Variants in FYB2 observed in about 807,000 individuals in gnomAD.
The protein encoded by FYB2 is FYN-binding protein 2.
Under a neutral mutation model 94.1 loss-of-function variants are expected in FYB2, and 103 were observed. The observed-to-expected ratio is 1.09, with a 90% confidence interval of 0.93 to 1.29. The LOEUF is 1.29. Among genes scored for constraint, FYB2 ranks in the 50% most tolerant of loss-of-function variants. FYB2 has a pLI of 0.00. For missense variants in FYB2, 896 were observed against 841.5 expected, an observed-to-expected ratio of 1.06 and a Z score of -0.80; for synonymous variants, 293 against 287.9, an observed-to-expected ratio of 1.02 and a Z score of -0.18.
At chr1:56,740,631 G>T in intron 13 of FYB2, 66 bp downstream of exon 13, 1 of 934,542 alleles carries the variant, frequency 1.1e-6, no homozygotes, top group Non-Finnish European at 1.6e-6. Context: ...ATTGGATGGA[G>T]AACATCAACT....
intron 4 of FYB2, among the ~76,000 whole-genome samples, chr1:56,778,615 G>A (rs2064423): frequency 0.29 from 44,137 of 151,932 alleles, 7,536 homozygotes; most frequent in Non-Finnish European, 0.38. Flanking sequence ...TAAACTCAGG[G>A]TTCTCATGGT....
At chr1:56,793,022 A>G (rs564648964) in intron 1 of FYB2, among the ~76,000 whole-genome samples, 4 of 152,262 alleles carry the variant, frequency 2.6e-5, no homozygotes, top group African/African-American at 9.6e-5. Context: ...TGAAAACACT[A>G]TCTCTTTCTT....
chr1:56,751,273 C>T, intron 8 of FYB2, 70 bp from the exon 9 acceptor site: 1 of 1,434,186 alleles, frequency 7.0e-7, no homozygotes, highest in Non-Finnish European at 9.5e-7. Context: ...CTTACTTGTA[C>T]AGTTTTTCAT....
intron 4 of FYB2, among the ~76,000 whole-genome samples, chr1:56,775,473 A>C (rs1645854611): frequency 1.3e-5 from 2 of 152,192 alleles, no homozygotes; most frequent in African/African-American, 4.8e-5. Flanking sequence ...GTAAATCATA[A>C]TAACAGCTGA....
chr1:56,726,854 C>G (rs749092483), intron 15 of FYB2, among the ~76,000 whole-genome samples: 74 of 151,954 alleles, frequency 4.9e-4, no homozygotes, highest in Non-Finnish European at 8.1e-4. Context: ...GTTTGCTGAC[C>G]CCTGATGTGT....
rs1378350991 is a variant in FYB2 at position 56,719,558 on chromosome 1, A to G, written c.*113T>C. The G allele has an allele frequency of 4.4e-6, 4 of 901,472 alleles. No homozygotes were observed. Among genetic ancestry groups the G allele is most frequent in the East Asian group, 2.7e-5 (1 of 37,244 alleles). 55.8% of individuals were successfully genotyped at this position (901,472 alleles called of 1,614,324 possible). A position where few individuals can be genotyped will look rare whatever the true frequency, so the allele number is the denominator to read the frequency against. On this transcript the variant is annotated 3_prime_UTR_variant, in exon 20 of 20. Transcript: ENST00000343433. ...TTAAGTTCAGAACGAAAGTTTCCAC[A>G]GATTCCACCATCTCAAAATTTTGAC...
chr1:56,741,738 G>T (rs857122), intron 12 of FYB2, among the ~76,000 whole-genome samples: 47 of 151,936 alleles, frequency 3.1e-4, no homozygotes, highest in Non-Finnish European at 4.6e-4. Flanking sequence ...CCCAAATCCC[G>T]GAGATAGCCT....
rs114081380 is a variant in FYB2, at chr1:56,805,530, T to C, written c.10-12727A>G. On this transcript the variant is annotated intron_variant, in intron 1 of 19. Transcript: ENST00000343433. The stretch of plus-strand genomic sequence containing the variant: ...CCCCTGAAGATGACAAAAGTCAGGA[T>C]CAGAGCTTTCTGAAGCTTACCAGGA... Among the ~76,000 whole-genome samples the C allele has an allele frequency of 3.6e-3, 552 of 152,274 alleles. 2 individuals carry two copies. The highest frequency in any genetic ancestry group is 0.012 in the African/African-American group (505 of 41,548).
chr1:56,820,527 G>T (rs1557682087), upstream of FYB2, among the ~76,000 whole-genome samples: 1 of 152,206 alleles, frequency 6.6e-6, no homozygotes, highest in Admixed American at 6.5e-5. Context: ...GCTTTGTCAA[G>T]TTCTTAGAAA....
chr1:56,794,490 T>C (rs989030531), intron 1 of FYB2, among the ~76,000 whole-genome samples: 3 of 152,202 alleles, frequency 2.0e-5, no homozygotes, highest in Non-Finnish European at 4.4e-5. Flanking sequence ...ACTTTTGATT[T>C]TGCCAGCTTA....
chr1:56,762,587 A>G (rs1233300551), intron 5 of FYB2, among the ~76,000 whole-genome samples: 1 of 152,182 alleles, frequency 6.6e-6, no homozygotes, highest in Non-Finnish European at 1.5e-5. Context: ...GTATCCTACA[A>G]TCTTTCTGAA....
At chr1:56,804,701 A>G (rs976349169) in intron 1 of FYB2, among the ~76,000 whole-genome samples, 1 of 152,106 alleles carries the variant, frequency 6.6e-6, no homozygotes, top group Non-Finnish European at 1.5e-5. Flanking sequence ...CTACACTTCA[A>G]CCTGAGTGAC....
rs1646293832 is a variant in FYB2, at chr1:56,792,484, T to C, written c.329A>G (p.Lys110Arg). Residue 110 changes from lysine to arginine, a missense_variant, in exon 2 of 20, where the codon AAG (lysine) becomes AGG (arginine). Physicochemically the swap from Lys to Arg is conservative, Grantham distance 26. Transcript: ENST00000343433. Reference sequence around the variant, plus strand: ...AGTCACCTCTAACAGCAGAGAAGCCTTCTGTGAACTTGTTGCAGAACATAC... The same window carrying C: ...AGTCACCTCTAACAGCAGAGAAGCCCTCTGTGAACTTGTTGCAGAACATAC... ...STVCSATSSQKASLLLEVTQS... is the reference protein window; with the variant it reads ...STVCSATSSQRASLLLEVTQS... 1 of 1,614,212 alleles carries C rather than the reference T, an allele frequency of 6.2e-7. No homozygotes were observed.
chr1:56,736,784 C>A (rs1644839662), intron 15 of FYB2, among the ~76,000 whole-genome samples: 1 of 152,070 alleles, frequency 6.6e-6, no homozygotes, highest in African/African-American at 2.4e-5. Context: ...TGCTTGCTAT[C>A]CTTCATGTTG....
At chr1:56,737,061 G>A in intron 15 of FYB2, 26 bp downstream of exon 15, 1 of 1,529,806 alleles carries the variant, frequency 6.5e-7, no homozygotes, top group South Asian at 1.1e-5. Context: ...TATCAGCAGG[G>A]ATGACCAATA....
chr1:56,824,368 G>A (rs1647011703), upstream of FYB2: 1 of 152,216 alleles, frequency 6.6e-6, no homozygotes, highest in Non-Finnish European at 1.5e-5. Flanking sequence ...GGCCCAGCTA[G>A]TTCTCTCTGG....
chr1:56,813,428 A>T (rs905862701), intron 1 of FYB2, among the ~76,000 whole-genome samples: 1 of 152,192 alleles, frequency 6.6e-6, no homozygotes, highest in Admixed American at 6.5e-5. Flanking sequence ...CATGAGACTT[A>T]TTCACTATCA....
At chr1:56,802,289 C>T (rs1018348055) in intron 1 of FYB2, among the ~76,000 whole-genome samples, 2 of 152,206 alleles carry the variant, frequency 1.3e-5, no homozygotes, top group Non-Finnish European at 2.9e-5. Flanking sequence ...CTATGCCTTT[C>T]CATCATTGTA....
In FYB2 at chr1:56,753,479, G is replaced by T. The variant is rs147619868; in HGVS notation, c.1227+360C>A. Among the ~76,000 whole-genome samples, 136 of 152,220 alleles carry T rather than the reference G, an allele frequency of 8.9e-4. No individual in the cohort carries two copies. In the Middle Eastern group the frequency reaches 0.014, roughly 15 times the overall value. The stretch of plus-strand genomic sequence containing the variant: ...ATGAGGTAACTGAGCTCAGAGACAA[G>T]TCACTCTTCTAAGCAGGGCCTTAGG... On this transcript the variant is annotated intron_variant, in intron 8 of 19. Coordinates refer to ENST00000343433, the MANE Select transcript of FYB2 (RefSeq NM_001004303.5).
Sources: gnomAD v4.1 joint callset for allele counts (sites outside exome capture counted in the v4.1 genomes callset) on GRCh38, gnomAD v4.1.1 for gene constraint, MANE v1.5 for transcripts, NCBI Gene and HGNC (gene_info 2026-07-23, HGNC 2026-07-21) for gene names.